The following SHMT1 variants were observed in gnomAD, a reference collection of about 807,000 sequenced individuals.
SHMT1 encodes serine hydroxymethyltransferase, cytosolic.
SHMT1 carries 45 observed loss-of-function variants against 49.0 expected under a neutral mutation model. That is an observed-to-expected ratio of 0.92 (90% CI 0.72 to 1.18). SHMT1 has a LOEUF of 1.18. Ranked by LOEUF, SHMT1 falls within the 50% of genes most tolerant of loss-of-function variation. The probability of loss-of-function intolerance (pLI) is 0.00; values close to 1 mark genes in which losing one functional copy is unlikely to be tolerated. For synonymous variants in SHMT1, 232 were observed against 246.6 expected, an observed-to-expected ratio of 0.94 and a Z score of 0.55; for missense variants, 541 against 612.4, an observed-to-expected ratio of 0.88 and a Z score of 1.23.
intron 5 of SHMT1, among the ~76,000 whole-genome samples, chr17:18,346,879 T>C (rs75785295): frequency 0.11 from 16,605 of 152,210 alleles, 1,011 homozygotes; most frequent in South Asian, 0.18. Context: ...TATGGGGGGC[T>C]TGAAGTACAG....
chr17:18,352,339 G>T (rs1239091664), intron 3 of SHMT1, among the ~76,000 whole-genome samples: 1 of 151,884 alleles, frequency 6.6e-6, no homozygotes, highest in African/African-American at 2.4e-5. Flanking sequence ...GTAGAGACGG[G>T]GTTTCACCGT....
Position 18,327,920 on chromosome 17 carries a change from T to C in SHMT1, c.*830A>G, listed in dbSNP as rs1311789357. 1 of 152,650 alleles carries C rather than the reference T, an allele frequency of 6.6e-6. No homozygotes were observed. The highest frequency in any genetic ancestry group is 2.4e-5 in the African/African-American group (1 of 41,456). The allele number at this position is 152,650 out of a possible 1,614,324, so 9.5% of individuals were successfully genotyped here. A position where few individuals can be genotyped will look rare whatever the true frequency, so the allele number is the denominator to read the frequency against. On this transcript the variant is annotated 3_prime_UTR_variant, in exon 12 of 12. Transcript: ENST00000316694. The stretch of plus-strand genomic sequence containing the variant: ...TTTGAGTTCAAATATTTTTGAAATA[T>C]AAAAATTGGTTGTATTTTTTAAAGC...
intron 9 of SHMT1, 65 bp from the exon 10 acceptor site, chr17:18,330,736 A>C: frequency 8.3e-7 from 1 of 1,198,744 alleles, no homozygotes; most frequent in South Asian, 1.2e-5. Flanking sequence ...ATCTCTGAGA[A>C]ACGAAGGCGA....
At chr17:18,339,049 T>TAAAAAAAAAA (rs34704448) in intron 7 of SHMT1, among the ~76,000 whole-genome samples, 3 of 26,872 alleles carry the variant, frequency 1.1e-4, no homozygotes, top group Admixed American at 1.2e-3. Flanking sequence ...CAATAAATAC[T>TAAAAAAAAAA]AAAAAAAAAA....
chr17:18,334,665 C>T (rs1012798505), intron 8 of SHMT1, among the ~76,000 whole-genome samples: 2 of 152,294 alleles, frequency 1.3e-5, no homozygotes, highest in African/African-American at 4.8e-5. Flanking sequence ...ATCCTGAGGG[C>T]TGCTTCAAGG....
chr17:18,360,755 GAA>G (rs775997481), intron 1 of SHMT1, among the ~76,000 whole-genome samples: 5 of 152,110 alleles, frequency 3.3e-5, no homozygotes, highest in Non-Finnish European at 5.9e-5. Context: ...AGACAAAGGA[GAA>G]AGTGTGACTG....
At chr17:18,331,085 C>T in intron 9 of SHMT1, 1 of 340,680 alleles carries the variant, frequency 2.9e-6, no homozygotes, top group South Asian at 2.4e-5. Context: ...ACATTAGGTG[C>T]CAGACACTGT....
At chr17:18,360,141 C>T (rs954806686) in intron 1 of SHMT1, among the ~76,000 whole-genome samples, 1 of 151,680 alleles carries the variant, frequency 6.6e-6, no homozygotes, top group Non-Finnish European at 1.5e-5. Flanking sequence ...ACCAGCTATG[C>T]GGGAGGCTGA....
intron 7 of SHMT1, among the ~76,000 whole-genome samples, chr17:18,339,049 T>TTAA (rs1567776620): frequency 3.7e-5 from 1 of 26,852 alleles, no homozygotes. Context: ...CAATAAATAC[T>TTAA]AAAAAAAAAA....
At chr17:18,344,244 A>C (rs1984837848) in intron 5 of SHMT1, among the ~76,000 whole-genome samples, 1 of 152,242 alleles carries the variant, frequency 6.6e-6, no homozygotes, top group Non-Finnish European at 1.5e-5. Context: ...TAGAAAGTCA[A>C]GCTGAAAGAT....
chr17:18,350,050 C>T (rs1199475607), intron 3 of SHMT1, among the ~76,000 whole-genome samples: 4 of 151,578 alleles, frequency 2.6e-5, no homozygotes, highest in African/African-American at 4.8e-5. Context: ...AAAAATAGGC[C>T]GGGCACGGTG....
intron 4 of SHMT1, 145 bp downstream of exon 4, chr17:18,348,180 A>G (rs372703278): frequency 3.0e-5 from 21 of 696,230 alleles, no homozygotes; most frequent in East Asian, 2.5e-4. Context: ...TCCGCCTCCC[A>G]AAGTGCTGGG....
chr17:18,345,841 T>A (rs1461083719), intron 5 of SHMT1, among the ~76,000 whole-genome samples: 2 of 150,754 alleles, frequency 1.3e-5, no homozygotes, highest in African/African-American at 4.9e-5. Context: ...CCACCACACC[T>A]GAGGAATTTT....
At chr17:18,360,669 G>C (rs1986676253) in intron 1 of SHMT1, 2 of 152,340 alleles carry the variant, frequency 1.3e-5, no homozygotes, top group South Asian at 4.1e-4. Context: ...CTGTGGAAAG[G>C]AGCCAACCAT....
In SHMT1 at chr17:18,340,226, A is replaced by G. The variant is rs769232035; in HGVS notation, c.631T>C (p.Tyr211His). The G allele has an allele frequency of 6.2e-7, 1 of 1,614,148 alleles. No homozygotes were observed. The highest frequency in any genetic ancestry group is 8.5e-7 in the Non-Finnish European group (1 of 1,179,990). Residue 211 changes from tyrosine to histidine, a missense_variant, in exon 7 of 12, where the codon TAT becomes CAT. By Grantham distance (83) the Tyr-to-His change is moderately conservative. Transcript: ENST00000316694. This position sits in a 1 kb window ranked among gnomAD's most constrained non-coding sequence, Gnocchi z 4.5. Reference protein sequence around the residue: ...GTSCYSRNLEYARLRKIADEN... With the variant: ...GTSCYSRNLEHARLRKIADEN... ...TCTGCAATCTTCCGTAGCCGGGCATATTCCAGGTTTCGGGAGTAGCAGCTG... is the reference window on the plus strand; with the variant it reads ...TCTGCAATCTTCCGTAGCCGGGCATGTTCCAGGTTTCGGGAGTAGCAGCTG...
intron 3 of SHMT1, among the ~76,000 whole-genome samples, chr17:18,351,478 G>A (rs774386193): frequency 1.5e-4 from 23 of 151,736 alleles, no homozygotes; most frequent in South Asian, 2.1e-4. Flanking sequence ...CCTTTAATTG[G>A]CTGGGCACAG....
intron 1 of SHMT1, among the ~76,000 whole-genome samples, chr17:18,362,382 G>A (rs974755876): frequency 5.9e-5 from 9 of 151,820 alleles, no homozygotes; most frequent in Admixed American, 3.3e-4. Context: ...GTGCAGTGGC[G>A]TGATCTCCGC....
In SHMT1 at chr17:18,340,371, G is replaced by A; in HGVS notation, c.602-116C>T. On this transcript the variant is annotated intron_variant, in intron 6 of 11. Transcript: ENST00000316694. This position sits in a 1 kb window ranked among gnomAD's most constrained non-coding sequence, Gnocchi z 4.5. ...AAGCCCAGAGATTTCTTCCCTTAAA[G>A]TCTCAGAGCAAAAATGGAGAATGCC... The A allele has an allele frequency of 8.9e-7, 1 of 1,127,772 alleles. No individual in the cohort carries two copies. Among genetic ancestry groups the A allele is most frequent in the Non-Finnish European group, 1.3e-6 (1 of 766,926 alleles). The allele number at this position is 1,127,772 out of a possible 1,614,324, so 69.9% of individuals were successfully genotyped here.
intron 4 of SHMT1, among the ~76,000 whole-genome samples, 165 bp from the exon 5 acceptor site, chr17:18,347,821 G>A (rs1439371255): frequency 2.0e-5 from 3 of 152,048 alleles, no homozygotes; most frequent in African/African-American, 7.2e-5. Flanking sequence ...GAGAGGTGAA[G>A]TTCAGAGAGA....
Sources: allele counts gnomAD v4.1 joint callset (sites outside exome capture counted in the v4.1 genomes callset), GRCh38; gene constraint gnomAD v4.1.1; non-coding constraint Gnocchi (gnomAD v3.1); transcripts MANE v1.5; gene names NCBI Gene and HGNC (gene_info 2026-07-23, HGNC 2026-07-21).